Variants in SH3BGRL2 observed in about 807,000 individuals in gnomAD.
SH3BGRL2 encodes SH3 domain-binding glutamic acid-rich-like protein 2.
SH3BGRL2 carries 21 observed loss-of-function variants against 14.8 expected under a neutral mutation model. That is an observed-to-expected ratio of 1.42 (90% CI 1.01 to 2.05). The LOEUF is 2.05. Ranked by LOEUF, SH3BGRL2 falls within the 30% of genes most tolerant of loss-of-function variation. The probability of loss-of-function intolerance (pLI) is 0.00; values close to 1 mark genes in which losing one functional copy is unlikely to be tolerated. For synonymous variants in SH3BGRL2, 50 were observed against 47.8 expected, an observed-to-expected ratio of 1.05 and a Z score of -0.19; for missense variants, 147 against 130.8, an observed-to-expected ratio of 1.12 and a Z score of -0.61.
upstream of SH3BGRL2, among the ~76,000 whole-genome samples, chr6:79,628,183 A>T (rs898023292): frequency 1.1e-4 from 17 of 152,262 alleles, no homozygotes; most frequent in Non-Finnish European, 2.2e-4. Flanking sequence ...AGAATCATAC[A>T]TATTATCATA....
the SH3BGRL2 span, among the ~76,000 whole-genome samples, chr6:79,567,376 T>C: frequency 1.3e-5 from 2 of 152,180 alleles, no homozygotes; most frequent in Non-Finnish European, 2.9e-5. Flanking sequence ...AATGTACATA[T>C]AGAAGTAGAG....
At chr6:79,690,924 A>G (rs1256548843) in intron 2 of SH3BGRL2, among the ~76,000 whole-genome samples, 2 of 152,166 alleles carry the variant, frequency 1.3e-5, no homozygotes, top group Non-Finnish European at 2.9e-5. Context: ...GGTTTTCTCT[A>G]AAAAGAGGGG....
intron 1 of SH3BGRL2, among the ~76,000 whole-genome samples, chr6:79,671,849 G>T (rs556880829): frequency 6.6e-6 from 1 of 152,334 alleles, no homozygotes; most frequent in East Asian, 1.9e-4. Flanking sequence ...TTACAAACAG[G>T]CTGTGGTAGT....
At chr6:79,619,799 C>T in the SH3BGRL2 span, among the ~76,000 whole-genome samples, 12 of 152,300 alleles carry the variant, frequency 7.9e-5, no homozygotes, top group Admixed American at 5.9e-4. Flanking sequence ...GCATCTATTC[C>T]TTTTCTCTTC....
intron 2 of SH3BGRL2, among the ~76,000 whole-genome samples, chr6:79,679,348 T>G (rs965301583): frequency 1.3e-5 from 2 of 152,086 alleles, no homozygotes; most frequent in East Asian, 3.9e-4. Flanking sequence ...TGATTTGCAT[T>G]TCTCTGATGA....
chr6:79,646,950 T>G (rs757568149), intron 1 of SH3BGRL2, among the ~76,000 whole-genome samples: 1 of 152,250 alleles, frequency 6.6e-6, no homozygotes, highest in Non-Finnish European at 1.5e-5. Context: ...TTGATGGATA[T>G]TTGGGTTGCT....
At chr6:79,565,791 T>A in the SH3BGRL2 span, among the ~76,000 whole-genome samples, 1 of 152,306 alleles carries the variant, frequency 6.6e-6, no homozygotes, top group African/African-American at 2.4e-5. Context: ...ATTTGAGAAA[T>A]CCAAAATTCT....
At chr6:79,618,914 CAAAA>C in the SH3BGRL2 span, among the ~76,000 whole-genome samples, 1 of 76,276 alleles carries the variant, frequency 1.3e-5, no homozygotes, top group Admixed American at 1.7e-4. Context: ...GAGACTCTGT[CAAAA>C]AAAAAAAAGA....
chr6:79,648,952 A>T (rs565455519), intron 1 of SH3BGRL2, among the ~76,000 whole-genome samples: 8 of 152,332 alleles, frequency 5.3e-5, no homozygotes, highest in African/African-American at 1.9e-4. Context: ...TTCTAGAACC[A>T]TGTAGAATGA....
At chr6:79,648,529 C>A (rs1582717880) in intron 1 of SH3BGRL2, among the ~76,000 whole-genome samples, 1 of 151,438 alleles carries the variant, frequency 6.6e-6, no homozygotes, top group Non-Finnish European at 1.5e-5. Flanking sequence ...CCTTTGCCCT[C>A]CAAACTGAGA....
At chr6:79,543,749 A>G in the SH3BGRL2 span, among the ~76,000 whole-genome samples, 2 of 152,226 alleles carry the variant, frequency 1.3e-5, no homozygotes, top group East Asian at 1.9e-4. Flanking sequence ...CGAGTACTCT[A>G]CAGACATCAG....
the SH3BGRL2 span, among the ~76,000 whole-genome samples, chr6:79,603,554 A>AC: frequency 6.6e-6 from 1 of 152,164 alleles, no homozygotes; most frequent in African/African-American, 2.4e-5. Context: ...TCTCCCTTGC[A>AC]CAGAGGTGAG....
chr6:79,548,522 T>C, the SH3BGRL2 span, among the ~76,000 whole-genome samples: 1 of 152,306 alleles, frequency 6.6e-6, no homozygotes, highest in South Asian at 2.1e-4. Flanking sequence ...TGTTTTATCC[T>C]TCTAGTGTTC....
At chr6:79,603,582 T>C in the SH3BGRL2 span, among the ~76,000 whole-genome samples, 18,038 of 152,174 alleles carry the variant, frequency 0.12, 1,260 homozygotes, top group Non-Finnish European at 0.16. Flanking sequence ...TAAACTGATA[T>C]CACTCACTAG....
rs984446396 is a variant in SH3BGRL2 at position 79,660,754 on chromosome 6, G to C, written c.46-12860G>C. Among the ~76,000 whole-genome samples, 4 of 152,304 alleles carry C rather than the reference G, an allele frequency of 2.6e-5. No homozygotes were observed. In the South Asian group the frequency reaches 6.2e-4, roughly 24 times the overall value. ...TGTACCTCTGGTAGAATTTGGCTGT[G>C]AATCGGTCTGGTCCTGGACTTTTTT... On this transcript the variant is annotated intron_variant, in intron 1 of 3. Coordinates refer to ENST00000369838, the MANE Select transcript of SH3BGRL2 (RefSeq NM_031469.4).
chr6:79,613,319 C>T, the SH3BGRL2 span, among the ~76,000 whole-genome samples: 1 of 152,100 alleles, frequency 6.6e-6, no homozygotes, highest in Non-Finnish European at 1.5e-5. Flanking sequence ...GGCCTTTGTG[C>T]CTAAAATGTC....
chr6:79,700,495 T>C lies in SH3BGRL2; in HGVS notation c.*986T>C, dbSNP rs998295643. ...GATTAGACATATTAAAATATACCAATGTTGTAGTAAAATTTAATTTTTCCT... is the reference window on the plus strand; with the variant it reads ...GATTAGACATATTAAAATATACCAACGTTGTAGTAAAATTTAATTTTTCCT... On this transcript the variant is annotated 3_prime_UTR_variant, in exon 4 of 4. Coordinates refer to ENST00000369838, the MANE Select transcript of SH3BGRL2 (RefSeq NM_031469.4). 3.3e-5 allele frequency: 5 copies of C among 152,184 alleles called. No individual in the cohort carries two copies. Among genetic ancestry groups the C allele is most frequent in the Non-Finnish European group, 5.9e-5 (4 of 68,026 alleles). The allele number at this position is 152,184 out of a possible 1,614,324, so 9.4% of individuals were successfully genotyped here.
chr6:79,639,703 T>TA (rs1449072081), intron 1 of SH3BGRL2, among the ~76,000 whole-genome samples: 2 of 152,188 alleles, frequency 1.3e-5, no homozygotes, highest in Admixed American at 6.5e-5. Context: ...TGTCAGTTTT[T>TA]AAAAAAATCA....
chr6:79,661,916 G>C (rs1262255847), intron 1 of SH3BGRL2, among the ~76,000 whole-genome samples: 1 of 152,050 alleles, frequency 6.6e-6, no homozygotes, highest in Non-Finnish European at 1.5e-5. Context: ...GATCTTTGTT[G>C]GTCTAAAGTC....
Sources: gnomAD v4.1 joint callset for allele counts (sites outside exome capture counted in the v4.1 genomes callset) on GRCh38, gnomAD v4.1.1 for gene constraint, MANE v1.5 for transcripts, NCBI Gene and HGNC (gene_info 2026-07-23, HGNC 2026-07-21) for gene names.